Variants in SYT1 observed in about 807,000 individuals in gnomAD.
SYT1 encodes synaptotagmin 1.
SYT1 carries 8 observed loss-of-function variants against 44.8 expected under a neutral mutation model. The ratio of observed to expected loss-of-function variants is 0.18; its 90% confidence interval spans 0.10 to 0.32. SYT1 has a LOEUF of 0.32. Among genes scored for constraint, SYT1 ranks in the 10% least tolerant of loss-of-function variants. The pLI is 1.00. For missense variants in SYT1, 286 were observed against 509.3 expected (o/e 0.56, Z 4.22); for synonymous variants, 154 against 188.8 (o/e 0.82, Z 1.51).
intron 2 of SYT1, among the ~76,000 whole-genome samples, chr12:78,998,637 G>A (rs1454520003): frequency 6.6e-6 from 1 of 152,078 alleles, no homozygotes; most frequent in African/African-American, 2.4e-5. Context: ...TTAAGAGTGG[G>A]GACTCTCAAG....
At chr12:79,046,597 T>C (rs1179992170) in intron 2 of SYT1, 3 of 152,098 alleles carry the variant, frequency 2.0e-5, no homozygotes, top group Non-Finnish European at 4.4e-5. Flanking sequence ...CTCTTTAAAC[T>C]GAAAGTTTAT....
At chr12:79,104,834 G>A (rs1376330778) in intron 3 of SYT1, among the ~76,000 whole-genome samples, 2 of 152,076 alleles carry the variant, frequency 1.3e-5, no homozygotes, top group African/African-American at 4.8e-5. Context: ...TTTTTGTGAG[G>A]TAGGGCTTTC....
intron 9 of SYT1, among the ~76,000 whole-genome samples, chr12:79,361,328 G>A (rs1008632986): frequency 6.6e-6 from 1 of 152,108 alleles, no homozygotes. Flanking sequence ...CAAGGTCACA[G>A]GATTACTATT....
chr12:79,214,299 T>G (rs548996859), intron 3 of SYT1, among the ~76,000 whole-genome samples: 1 of 152,162 alleles, frequency 6.6e-6, no homozygotes, highest in African/African-American at 2.4e-5. Context: ...GATGATATCA[T>G]TGGCTGGTAA....
At chr12:79,448,894 T>C (rs762288229) in intron 10 of SYT1, 24 bp from the exon 11 acceptor site, 3 of 1,611,484 alleles carry the variant, frequency 1.9e-6, no homozygotes, top group South Asian at 1.1e-5. Flanking sequence ...AGATGATTCA[T>C]ATTCATTTCA....
At chr12:78,902,616 G>C (rs1388571491) in intron 1 of SYT1, among the ~76,000 whole-genome samples, 1 of 151,962 alleles carries the variant, frequency 6.6e-6, no homozygotes, top group Admixed American at 6.6e-5. Flanking sequence ...TTTTCCAGGA[G>C]GTTTCTCATT....
At chr12:78,994,937 G>C (rs946746413) in intron 2 of SYT1, among the ~76,000 whole-genome samples, 1 of 151,644 alleles carries the variant, frequency 6.6e-6, no homozygotes, top group Non-Finnish European at 1.5e-5. Context: ...CTCCAAAATT[G>C]GTCATCCCAC....
At chr12:79,427,739 G>A (rs529378380) in intron 9 of SYT1, among the ~76,000 whole-genome samples, 141 of 152,270 alleles carry the variant, frequency 9.3e-4, no homozygotes, top group African/African-American at 3.1e-3. Context: ...CATGAGGCAT[G>A]AGGAGTGGAA....
intron 2 of SYT1, among the ~76,000 whole-genome samples, chr12:79,037,651 T>C (rs1592685666): frequency 6.6e-6 from 1 of 151,820 alleles, no homozygotes; most frequent in East Asian, 1.9e-4. Context: ...GCCCTAAATA[T>C]GAGGTACAAT....
Position 79,057,810 on chromosome 12 carries a change from C to T in SYT1, c.-18+10448C>T, listed in dbSNP as rs113269155. ...TCCCTCCTTCCTGCTTACAATTAGA[C>T]ACAGAAACCAAAAATTATGGCTTCA... On this transcript the variant is annotated intron_variant, in intron 3 of 10. Transcript: ENST00000261205. 2.2e-3 allele frequency among the ~76,000 whole-genome samples: 327 copies of T among 151,878 alleles called. 1 individual carries two copies. Among genetic ancestry groups the T allele is most frequent in the Middle Eastern group, 0.01 (3 of 294 alleles).
chr12:79,150,834 G>A (rs1280817946), intron 3 of SYT1, among the ~76,000 whole-genome samples: 1 of 152,162 alleles, frequency 6.6e-6, no homozygotes, highest in Admixed American at 6.5e-5. Flanking sequence ...TTGTCTAAAG[G>A]CATTTTCTTT....
chr12:79,394,185 C>A (rs1380958314), intron 9 of SYT1, among the ~76,000 whole-genome samples: 1 of 152,206 alleles, frequency 6.6e-6, no homozygotes, highest in Non-Finnish European at 1.5e-5. Context: ...ATAAACTCTT[C>A]ACATAGCCCA....
chr12:79,312,769 A>ATTTTTTTT (rs34469793), intron 8 of SYT1, among the ~76,000 whole-genome samples: 1 of 116,970 alleles, frequency 8.5e-6, no homozygotes, highest in Non-Finnish European at 1.8e-5. Context: ...AAGGGGCTGC[A>ATTTTTTTT]TTTTTTTTTT....
chr12:79,365,879 T>C (rs1461183606), intron 9 of SYT1, among the ~76,000 whole-genome samples: 1 of 150,708 alleles, frequency 6.6e-6, no homozygotes, highest in African/African-American at 2.4e-5. Flanking sequence ...GATTTTCATA[T>C]TTTCATCAAC....
intron 2 of SYT1, among the ~76,000 whole-genome samples, chr12:79,008,799 CCTT>C (rs1871246767): frequency 6.6e-6 from 1 of 152,122 alleles, no homozygotes; most frequent in South Asian, 2.1e-4. Context: ...TGCCTAATGT[CCTT>C]CTGGACAAGT....
At chr12:79,323,206 A>G (rs1881451279) in intron 8 of SYT1, among the ~76,000 whole-genome samples, 1 of 152,114 alleles carries the variant, frequency 6.6e-6, no homozygotes, top group East Asian at 1.9e-4. Flanking sequence ...ACTTTGACAA[A>G]CAATGGTAAC....
intron 9 of SYT1, among the ~76,000 whole-genome samples, chr12:79,412,581 T>G (rs1489898351): frequency 6.6e-6 from 1 of 152,182 alleles, no homozygotes; most frequent in Non-Finnish European, 1.5e-5. Context: ...CGATGGTCTC[T>G]CCTGTCCTGC....
intron 9 of SYT1, among the ~76,000 whole-genome samples, chr12:79,432,635 A>T (rs537823717): frequency 5.3e-5 from 8 of 152,012 alleles, no homozygotes; most frequent in Non-Finnish European, 1.0e-4. Flanking sequence ...TTTTTTCCAG[A>T]GGGAGTCTTG....
intron 9 of SYT1, among the ~76,000 whole-genome samples, chr12:79,422,445 T>C (rs1465091335): frequency 6.6e-6 from 1 of 151,636 alleles, no homozygotes; most frequent in Non-Finnish European, 1.5e-5. Context: ...CCTGAACGCT[T>C]TATCTGGATC....
Sources: gnomAD v4.1 joint callset for allele counts (sites outside exome capture counted in the v4.1 genomes callset) on GRCh38, gnomAD v4.1.1 for gene constraint, MANE v1.5 for transcripts, NCBI Gene and HGNC (gene_info 2026-07-23, HGNC 2026-07-21) for gene names.